GFRA2: variants seen among roughly 807,000 people sequenced by gnomAD.
GFRA2 encodes the protein GDNF family receptor alpha 2.
A neutral mutation model predicts 48.3 loss-of-function variants in GFRA2; 17 were observed. The ratio of observed to expected loss-of-function variants is 0.35; its 90% CI spans 0.24 to 0.53. The LOEUF is 0.53. GFRA2 is among the 20% of genes least tolerant of loss of function. The pLI, the probability that GFRA2 is intolerant of heterozygous loss-of-function variation, is 0.93. For synonymous variants in GFRA2, 305 were observed against 257.2 expected, an observed-to-expected ratio of 1.19 and a Z score of -1.78; for missense variants, 660 against 637.3, an observed-to-expected ratio of 1.04 and a Z score of -0.38.
chr8:21,766,924 C>T (rs938134776), intron 3 of GFRA2, among the ~76,000 whole-genome samples: 2 of 75,012 alleles, frequency 2.7e-5, no homozygotes, highest in Admixed American at 2.6e-4. Flanking sequence ...CATACCTACA[C>T]ACACAAACAC....
chr8:21,809,981 G>A (rs771347519), intron 1 of GFRA2, among the ~76,000 whole-genome samples: 4 of 152,076 alleles, frequency 2.6e-5, no homozygotes, highest in Admixed American at 6.6e-5. Context: ...CTACAGTCCT[G>A]GGCAGAACTG....
intron 4 of GFRA2, among the ~76,000 whole-genome samples, chr8:21,738,778 G>A (rs28524004): frequency 0.057 from 8,598 of 152,176 alleles, 730 homozygotes; most frequent in African/African-American, 0.18. Flanking sequence ...AGCCTGTGGG[G>A]GCCGGCCCCG....
In GFRA2 at chr8:21,753,538, G is replaced by A. The variant is rs953017017; in HGVS notation, c.440-2596C>T. 7.2e-5 allele frequency among the ~76,000 whole-genome samples: 11 copies of A among 152,032 alleles called. No individual in the cohort carries two copies. In the South Asian group the frequency reaches 2.3e-3, roughly 32 times the overall value. On this transcript the variant is annotated intron_variant, in intron 3 of 8. Transcript: ENST00000524240. ...GGCAGTAGAATCACTTGAATCACTT[G>A]AACCCGGGAGGCAGAGGTTGCAGTA... is the stretch of plus-strand genomic sequence containing the variant.
At chr8:21,708,478 G>T (rs1016531802) in intron 4 of GFRA2, among the ~76,000 whole-genome samples, 1 of 152,210 alleles carries the variant, frequency 6.6e-6, no homozygotes, top group Non-Finnish European at 1.5e-5. Context: ...ATGGGATTTA[G>T]AGACAAAATC....
rs375668493 is a variant in GFRA2, at chr8:21,783,769, C to T, written c.41-870G>A. 9.7e-3 allele frequency among the ~76,000 whole-genome samples: 1,468 copies of T among 152,016 alleles called. 20 individuals are homozygous for T. The highest frequency in any genetic ancestry group is 0.033 in the African/African-American group (1,362 of 41,432). ...AAGCCTGGGGAGCATCCATGCCCCC[C>T]GCGCCCCCTGCTCTCTCCTCCCCAC... On this transcript the variant is annotated intron_variant, in intron 1 of 8. Coordinates refer to ENST00000524240, the MANE Select transcript of GFRA2 (RefSeq NM_001495.5).
chr8:21,749,194 C>G (rs1805152592), intron 4 of GFRA2, among the ~76,000 whole-genome samples: 1 of 151,548 alleles, frequency 6.6e-6, no homozygotes, highest in Admixed American at 6.6e-5. Context: ...TAGAGCCAAA[C>G]TTCAACTTAG....
chr8:21,807,838 T>A (rs972331858), intron 1 of GFRA2, among the ~76,000 whole-genome samples: 1 of 152,264 alleles, frequency 6.6e-6, no homozygotes, highest in Non-Finnish European at 1.5e-5. Flanking sequence ...CAATTCCGTC[T>A]GTAACATGGA....
chr8:21,777,385 C>A (rs1481413497), intron 2 of GFRA2, among the ~76,000 whole-genome samples: 3 of 151,044 alleles, frequency 2.0e-5, no homozygotes, highest in Non-Finnish European at 4.4e-5. Context: ...TATAGCTAGG[C>A]CAGTCTGATT....
At chr8:21,789,448 G>C (rs886284561), upstream of GFRA2, among the ~76,000 whole-genome samples, 2 of 152,220 alleles carry the variant, frequency 1.3e-5, no homozygotes, top group East Asian at 3.9e-4. Context: ...CCATCCGGGG[G>C]CTCGGGGGGC....
At chr8:21,765,644 C>G (rs1437936498) in intron 3 of GFRA2, among the ~76,000 whole-genome samples, 1 of 152,066 alleles carries the variant, frequency 6.6e-6, no homozygotes, top group Non-Finnish European at 1.5e-5. Flanking sequence ...TCAACCCTGA[C>G]CTCTCCCCAG....
At chr8:21,718,816 C>T (rs929363621) in intron 4 of GFRA2, among the ~76,000 whole-genome samples, 1 of 152,104 alleles carries the variant, frequency 6.6e-6, no homozygotes, top group Non-Finnish European at 1.5e-5. Context: ...AGCAGCAAGG[C>T]CAGAAGACTT....
chr8:21,805,943 C>G (rs146057202), intron 1 of GFRA2, among the ~76,000 whole-genome samples: 2,114 of 152,314 alleles, frequency 0.014, 51 homozygotes, highest in African/African-American at 0.043. Context: ...GGTTTGAGCC[C>G]CAGAGGGTGG....
chr8:21,810,432 G>A (rs1315459443), intron 1 of GFRA2, among the ~76,000 whole-genome samples: 2 of 152,182 alleles, frequency 1.3e-5, no homozygotes, highest in Non-Finnish European at 1.5e-5. Flanking sequence ...AGTCCTTCCT[G>A]GGCTTTTGCT....
At chr8:21,761,299 G>A (rs556041749) in intron 3 of GFRA2, among the ~76,000 whole-genome samples, 9 of 152,316 alleles carry the variant, frequency 5.9e-5, no homozygotes, top group African/African-American at 9.6e-5. Flanking sequence ...CTGGATTGAC[G>A]AATAAAACCA....
intron 4 of GFRA2, among the ~76,000 whole-genome samples, chr8:21,724,888 C>T (rs566083354): frequency 2.6e-5 from 4 of 152,120 alleles, no homozygotes; most frequent in South Asian, 2.1e-4. Context: ...GGGACACATA[C>T]GATGTCTTGC....
At chr8:21,744,550 AACACACACACACACACAC>A (rs71721911) in intron 4 of GFRA2, among the ~76,000 whole-genome samples, 9,848 of 140,204 alleles carry the variant, frequency 0.07, 426 homozygotes, top group Non-Finnish European at 0.088. Context: ...AACCACCACC[AACACACACACACACACAC>A]ACACACACAC....
intron 3 of GFRA2, among the ~76,000 whole-genome samples, chr8:21,768,066 G>A (rs1021869839): frequency 6.6e-6 from 1 of 152,122 alleles, no homozygotes; most frequent in Non-Finnish European, 1.5e-5. Flanking sequence ...GGCCCCAAGC[G>A]CCGTGAGAGT....
chr8:21,753,823 G>A (rs1805415651), intron 3 of GFRA2, among the ~76,000 whole-genome samples: 1 of 152,142 alleles, frequency 6.6e-6, no homozygotes, highest in Non-Finnish European at 1.5e-5. Context: ...CCATCAGCCA[G>A]CAAGGCTGTA....
At chr8:21,746,832 T>A (rs1466845436) in intron 4 of GFRA2, among the ~76,000 whole-genome samples, 1 of 151,840 alleles carries the variant, frequency 6.6e-6, no homozygotes, top group Admixed American at 6.6e-5. Context: ...AAAAAATGCT[T>A]CTAGTTCTTT....
Sources: gnomAD v4.1 joint callset for allele counts (sites outside exome capture counted in the v4.1 genomes callset) on GRCh38, gnomAD v4.1.1 for gene constraint, MANE v1.5 for transcripts, NCBI Gene and HGNC (gene_info 2026-07-23, HGNC 2026-07-21) for gene names.